The following LRIG1 variants were observed in gnomAD, a reference collection of about 807,000 sequenced individuals.
The protein encoded by LRIG1 is leucine-rich repeats and immunoglobulin-like domains protein 1.
In LRIG1, 48 loss-of-function variants were observed where a neutral mutation model predicts 99.2. That is an observed-to-expected ratio of 0.48 (90% CI 0.38 to 0.62). The LOEUF is 0.62. LRIG1 is among the 20% of genes least tolerant of loss of function. The pLI, the probability that LRIG1 is intolerant of heterozygous loss-of-function variation, is 0.00. For synonymous variants in LRIG1, 772 were observed against 596.1 expected (o/e 1.29, Z -4.30); for missense variants, 1,646 against 1,434.4 (o/e 1.15, Z -2.38).
intron 3 of LRIG1, among the ~76,000 whole-genome samples, chr3:66,428,853 G>GTC (rs1047909325): frequency 6.6e-6 from 1 of 152,210 alleles, no homozygotes; most frequent in Non-Finnish European, 1.5e-5. Context: ...GAATAAGCAG[G>GTC]TCTCTCTCTC....
chr3:66,400,262 G>T (rs987909670), intron 9 of LRIG1, among the ~76,000 whole-genome samples: 2 of 152,208 alleles, frequency 1.3e-5, no homozygotes, highest in Non-Finnish European at 2.9e-5. Flanking sequence ...TCTCTGCAGG[G>T]AAGCCCCTAG....
intron 3 of LRIG1, among the ~76,000 whole-genome samples, chr3:66,427,890 C>T (rs1440611928): frequency 6.6e-6 from 1 of 152,188 alleles, no homozygotes; most frequent in South Asian, 2.1e-4. Flanking sequence ...CTGTTCTGTA[C>T]ATACCCTTTT....
intron 12 of LRIG1, among the ~76,000 whole-genome samples, chr3:66,388,780 T>C (rs920202922): frequency 6.6e-6 from 1 of 152,174 alleles, no homozygotes; most frequent in Admixed American, 6.5e-5. Context: ...AAGGGGAAAT[T>C]AAAACATTCC....
intron 14 of LRIG1, 149 bp from the exon 15 acceptor site, chr3:66,383,550 C>T (rs770256702): frequency 9.9e-5 from 73 of 737,810 alleles, no homozygotes; most frequent in Non-Finnish European, 1.3e-4. Flanking sequence ...GAAGACCCTT[C>T]AACTCATTGA....
At chr3:66,499,694 G>C (rs1246951480) in intron 1 of LRIG1, among the ~76,000 whole-genome samples, 1 of 152,054 alleles carries the variant, frequency 6.6e-6, no homozygotes, top group African/African-American at 2.4e-5. Flanking sequence ...ACGAAAGACT[G>C]GACCCAACAG....
intron 1 of LRIG1, among the ~76,000 whole-genome samples, chr3:66,466,132 A>T (rs1041301255): frequency 2.0e-5 from 3 of 152,188 alleles, no homozygotes; most frequent in African/African-American, 7.2e-5. Context: ...CTTGGGCTCA[A>T]GTGATCCTCC....
intron 13 of LRIG1, among the ~76,000 whole-genome samples, chr3:66,385,355 C>CT (rs1406721831): frequency 1.3e-5 from 2 of 152,178 alleles, no homozygotes; most frequent in Non-Finnish European, 2.9e-5. Flanking sequence ...CTTCCCCAGG[C>CT]TAAGGGGTAT....
Position 66,394,125 on chromosome 3 carries a change from C to T in LRIG1, c.1383G>A (p.Gln461=), listed in dbSNP as rs369564517. Residue 461 remains glutamine (Q), a synonymous_variant, in exon 12 of 19, where the codon CAG becomes CAA. Transcript: ENST00000273261. ...GGGCACAGGTGGCTGTCACAAAGGC[C>T]TGCAGCATCCTGCCAATTAGCCACG... The part of the protein sequence containing the change: ...LPPWLIGRML[Q]AFVTATCAHP... The T allele has an allele frequency of 2.5e-6, 4 of 1,612,594 alleles. No individual in the cohort carries two copies. In the African/African-American group the frequency reaches 5.3e-5, roughly 22 times the overall value.
At chr3:66,414,314 G>A (rs1241484150) in intron 5 of LRIG1, among the ~76,000 whole-genome samples, 3 of 151,998 alleles carry the variant, frequency 2.0e-5, no homozygotes, top group Non-Finnish European at 4.4e-5. Flanking sequence ...GGAGAATGGT[G>A]TGAACCCCGG....
At chr3:66,400,262 G>A (rs987909670) in intron 9 of LRIG1, among the ~76,000 whole-genome samples, 5 of 152,208 alleles carry the variant, frequency 3.3e-5, no homozygotes, top group African/African-American at 7.2e-5. Context: ...TCTCTGCAGG[G>A]AAGCCCCTAG....
At chr3:66,395,030 G>A (rs529783755) in intron 11 of LRIG1, among the ~76,000 whole-genome samples, 126 of 152,272 alleles carry the variant, frequency 8.3e-4, no homozygotes, top group Admixed American at 1.3e-3. Flanking sequence ...AATCGGAATC[G>A]CCATCTCAGC....
Position 66,451,545 on chromosome 3 carries a change from A to T in LRIG1, c.365+14T>A. On this transcript the variant is annotated intron_variant, in intron 3 of 18. Transcript: ENST00000273261. ...CACCACACAGCCCAGAGTCCCCCAA[A>T]CGGCACCACTTACAGAAAGAGAGAG... The T allele has an allele frequency of 6.2e-7, 1 of 1,613,410 alleles. No individual in the cohort carries two copies. The highest frequency in any genetic ancestry group is 8.5e-7 in the Non-Finnish European group (1 of 1,179,552).
intron 1 of LRIG1, among the ~76,000 whole-genome samples, chr3:66,488,157 A>C (rs1701016503): frequency 6.6e-6 from 1 of 152,184 alleles, no homozygotes; most frequent in African/African-American, 2.4e-5. Context: ...TCCAGAACAA[A>C]GAAAATAAAA....
intron 1 of LRIG1, among the ~76,000 whole-genome samples, chr3:66,494,132 A>C (rs1701176164): frequency 6.6e-6 from 1 of 152,200 alleles, no homozygotes; most frequent in Admixed American, 6.5e-5. Context: ...ATCATCATAA[A>C]GTAGATGGAC....
intron 3 of LRIG1, among the ~76,000 whole-genome samples, chr3:66,424,327 C>T (rs1392900645): frequency 1.3e-5 from 2 of 152,076 alleles, no homozygotes; most frequent in African/African-American, 4.8e-5. Flanking sequence ...AGGTAGCCTG[C>T]TGGTCTAAGA....
chr3:66,465,145 G>T (rs530362536), intron 1 of LRIG1, among the ~76,000 whole-genome samples: 8 of 152,136 alleles, frequency 5.3e-5, no homozygotes, highest in Non-Finnish European at 1.2e-4. Context: ...CAAGGCTCAC[G>T]TCCCTTTCTG....
intron 9 of LRIG1, among the ~76,000 whole-genome samples, chr3:66,403,706 C>T (rs886679175): frequency 6.6e-5 from 10 of 152,210 alleles, no homozygotes; most frequent in African/African-American, 2.4e-4. Flanking sequence ...CACGGGCCTT[C>T]TGTATTGAGA....
At chr3:66,463,723 C>G (rs147322262) in intron 1 of LRIG1, among the ~76,000 whole-genome samples, 6 of 152,304 alleles carry the variant, frequency 3.9e-5, no homozygotes, top group African/African-American at 1.4e-4. Context: ...ATTAACAGTA[C>G]GACTAATTTT....
intron 2 of LRIG1, among the ~76,000 whole-genome samples, chr3:66,455,426 T>C (rs1700189804): frequency 6.6e-6 from 1 of 152,250 alleles, no homozygotes; most frequent in African/African-American, 2.4e-5. Flanking sequence ...TGTTTTTCTT[T>C]TGCACAAATG....
Sources: allele counts gnomAD v4.1 joint callset (sites outside exome capture counted in the v4.1 genomes callset), GRCh38; gene constraint gnomAD v4.1.1; transcripts MANE v1.5; gene names NCBI Gene and HGNC (gene_info 2026-07-23, HGNC 2026-07-21).